AFAP1: variants seen among roughly 807,000 people sequenced by gnomAD.
The protein encoded by AFAP1 is actin filament associated protein 1, also known as actin filament-associated protein 1.
A neutral mutation model predicts 93.9 loss-of-function variants in AFAP1; 75 were observed. The ratio of observed to expected loss-of-function variants is 0.80; its 90% CI spans 0.66 to 0.97. AFAP1 has a LOEUF of 0.97. Among genes scored for constraint, AFAP1 ranks in the 50% least tolerant of loss-of-function variants. The pLI is 0.00. For missense variants in AFAP1, 1,201 were observed against 1,050.8 expected, an observed-to-expected ratio of 1.14 and a Z score of -1.98; for synonymous variants, 517 against 430.7, an observed-to-expected ratio of 1.20 and a Z score of -2.48.
At chr4:7,792,135 T>A (rs1029512069) in intron 11 of AFAP1, among the ~76,000 whole-genome samples, 1 of 152,190 alleles carries the variant, frequency 6.6e-6, no homozygotes, top group African/African-American at 2.4e-5. Context: ...CACATTTTAA[T>A]TGCTTTTTCT....
intron 1 of AFAP1, among the ~76,000 whole-genome samples, chr4:7,918,323 G>T (rs920806452): frequency 7.0e-6 from 1 of 143,454 alleles, no homozygotes; most frequent in Non-Finnish European, 1.5e-5. Context: ...ACTCAGCCCA[G>T]GTCACCCGCA....
At chr4:7,813,821 A>T (rs1720248918) in intron 8 of AFAP1, among the ~76,000 whole-genome samples, 1 of 152,210 alleles carries the variant, frequency 6.6e-6, no homozygotes, top group South Asian at 2.1e-4. Flanking sequence ...ATGTCATAAC[A>T]GTCCAGATTC....
Position 7,779,548 on chromosome 4 carries a change from T to C in AFAP1, c.1783-672A>G, listed in dbSNP as rs530157755. Among the ~76,000 whole-genome samples the C allele has an allele frequency of 2.9e-4, 44 of 152,362 alleles. No homozygotes were observed. The South Asian group carries it at 3.1e-3, about 11-fold the overall frequency. On this transcript the variant is annotated intron_variant, in intron 13 of 17. Transcript: ENST00000420658. ...ATGTGCAGCTTAGCTGTGTAATTAA[T>C]TCAGCATGACAGCAAAGGCTCACTC...
chr4:7,908,760 G>A (rs928049512), intron 1 of AFAP1, among the ~76,000 whole-genome samples: 1 of 152,298 alleles, frequency 6.6e-6, no homozygotes, highest in Middle Eastern at 3.4e-3. Flanking sequence ...GCTGCCATAG[G>A]AAGCACCTGT....
At chr4:7,929,194 T>G (rs1720930016) in intron 1 of AFAP1, among the ~76,000 whole-genome samples, 2 of 152,184 alleles carry the variant, frequency 1.3e-5, no homozygotes, top group Non-Finnish European at 2.9e-5. Flanking sequence ...CTTTGTCCTC[T>G]CCACATAAAA....
chr4:7,842,712 G>T, intron 5 of AFAP1: 1 of 157,154 alleles, frequency 6.4e-6, no homozygotes, highest in South Asian at 1.9e-4. Flanking sequence ...AATGGGAATT[G>T]GCCCCAAGCT....
chr4:7,819,288 A>G, intron 6 of AFAP1, 117 bp from the exon 7 acceptor site: 1 of 861,844 alleles, frequency 1.2e-6, no homozygotes, highest in African/African-American at 1.7e-5. Context: ...ATGGGCTCAA[A>G]GCACCTGGCT....
intron 4 of AFAP1, among the ~76,000 whole-genome samples, chr4:7,850,281 A>G (rs1714286184): frequency 6.6e-6 from 1 of 152,178 alleles, no homozygotes; most frequent in Admixed American, 6.5e-5. Flanking sequence ...AGGTGTAACT[A>G]CCTGTGCACA....
intron 1 of AFAP1, among the ~76,000 whole-genome samples, chr4:7,915,248 G>T (rs1720024177): frequency 2.1e-5 from 1 of 46,596 alleles, no homozygotes; most frequent in Non-Finnish European, 3.2e-5. Context: ...ATCCTCGCCA[G>T]CACTTGTTAT....
rs569652685 is a variant in AFAP1, at chr4:7,872,095, G to C, written c.-2-15C>G. The stretch of plus-strand genomic sequence containing the variant: ...CTCTTCCATTGCTGACAACAAAAGA[G>C]GAAGAGTATTATTAGACCCAGTGAT... On this transcript the variant is annotated splice_polypyrimidine_tract_variant and intron_variant, in intron 1 of 17. Transcript: ENST00000420658. 23 of 1,613,606 alleles carry C rather than the reference G, an allele frequency of 1.4e-5. No individual in the cohort carries two copies. The highest frequency in any genetic ancestry group is 1.7e-5 in the Admixed American group (1 of 59,958).
chr4:7,842,301 CAAAAAAAAAAAA>C (rs57050150), intron 5 of AFAP1, among the ~76,000 whole-genome samples: 1 of 94,898 alleles, frequency 1.1e-5, no homozygotes, highest in Non-Finnish European at 2.0e-5. Flanking sequence ...CCTGGATTTA[CAAAAAAAAAAAA>C]AAAAAAAAAG....
chr4:7,800,396 C>A, intron 10 of AFAP1, 46 bp downstream of exon 10: 1 of 1,592,178 alleles, frequency 6.3e-7, no homozygotes, highest in Non-Finnish European at 8.6e-7. Context: ...AGGAAGATCA[C>A]CGCGTGTGTC....
At chr4:7,800,819 G>A (rs1718955133) in intron 9 of AFAP1, among the ~76,000 whole-genome samples, 166 bp from the exon 10 acceptor site, 2 of 152,198 alleles carry the variant, frequency 1.3e-5, no homozygotes, top group African/African-American at 2.4e-5. Context: ...TAGGAGAGCC[G>A]TGGCTACGGC....
At chr4:7,874,412 G>A (rs1717351499) in intron 1 of AFAP1, among the ~76,000 whole-genome samples, 1 of 135,004 alleles carries the variant, frequency 7.4e-6, no homozygotes, top group Non-Finnish European at 1.5e-5. Context: ...CACCCAGGCT[G>A]GAGTGCAGTG....
At chr4:7,848,355 G>A (rs1230848150) in intron 4 of AFAP1, among the ~76,000 whole-genome samples, 1 of 152,126 alleles carries the variant, frequency 6.6e-6, no homozygotes, top group East Asian at 1.9e-4. Context: ...CCTGGGATGC[G>A]CAAAGCGTGG....
intron 1 of AFAP1, among the ~76,000 whole-genome samples, chr4:7,925,767 C>T (rs1720693803): frequency 6.6e-6 from 1 of 151,964 alleles, no homozygotes; most frequent in African/African-American, 2.4e-5. Context: ...ATCGCTTGAA[C>T]CTGGGAAGCA....
At chr4:7,865,214 T>C (rs2149168203) in intron 3 of AFAP1, among the ~76,000 whole-genome samples, 1 of 152,238 alleles carries the variant, frequency 6.6e-6, no homozygotes, top group South Asian at 2.1e-4. Flanking sequence ...CAAAACACAG[T>C]GATTTTTATA....
At chr4:7,892,354 G>A (rs1330792079) in intron 1 of AFAP1, among the ~76,000 whole-genome samples, 1 of 152,220 alleles carries the variant, frequency 6.6e-6, no homozygotes, top group Admixed American at 6.5e-5. Flanking sequence ...TGACAGATGG[G>A]CTCCTGACCA....
intron 3 of AFAP1, 108 bp downstream of exon 3, chr4:7,868,514 A>G: frequency 1.1e-6 from 1 of 927,072 alleles, no homozygotes; most frequent in East Asian, 2.7e-5. Context: ...CTCGAGACAA[A>G]TAAGGGCTCC....
Sources: allele counts gnomAD v4.1 joint callset (sites outside exome capture counted in the v4.1 genomes callset), GRCh38; gene constraint gnomAD v4.1.1; transcripts MANE v1.5; gene names NCBI Gene and HGNC (gene_info 2026-07-23, HGNC 2026-07-21).